TCF12: variants seen among roughly 807,000 people sequenced by gnomAD.
TCF12 encodes the protein DNA-binding protein HTF4.
TCF12 carries 45 observed loss-of-function variants against 86.0 expected under a neutral mutation model. The ratio of observed to expected loss-of-function variants is 0.52; its 90% CI spans 0.41 to 0.67. TCF12 has a LOEUF of 0.67. Ranked by LOEUF, TCF12 falls within the 30% of genes least tolerant of loss-of-function variation. The probability of loss-of-function intolerance (pLI) is 0.00; values close to 1 mark genes in which losing one functional copy is unlikely to be tolerated. For synonymous variants in TCF12, 330 were observed against 299.6 expected, an observed-to-expected ratio of 1.10 and a Z score of -1.05; for missense variants, 881 against 859.9, an observed-to-expected ratio of 1.02 and a Z score of -0.31.
At chr15:57,056,719 A>T (rs1201108345) in intron 3 of TCF12, among the ~76,000 whole-genome samples, 1 of 151,880 alleles carries the variant, frequency 6.6e-6, no homozygotes, top group African/African-American at 2.4e-5. Context: ...TTGGCCTCCC[A>T]AAGTGCTGGG....
intron 3 of TCF12, among the ~76,000 whole-genome samples, chr15:57,060,188 G>C (rs1306011908): frequency 6.6e-6 from 1 of 151,556 alleles, no homozygotes; most frequent in South Asian, 2.1e-4. Context: ...ATTGCTCTTA[G>C]TTACTTTTCT....
chr15:56,984,249 G>GGT (rs56221122), intron 3 of TCF12, among the ~76,000 whole-genome samples: 8,723 of 122,884 alleles, frequency 0.071, 323 homozygotes, highest in South Asian at 0.096. Context: ...GCATGTGCAT[G>GGT]GTGTGTGTGT....
At chr15:56,992,059 A>G (rs1332435266) in intron 3 of TCF12, among the ~76,000 whole-genome samples, 6 of 151,734 alleles carry the variant, frequency 4.0e-5, no homozygotes, top group African/African-American at 1.5e-4. Flanking sequence ...TTCCAGATCA[A>G]TCTTGGCAAT....
chr15:56,982,007 A>G (rs67248382), intron 3 of TCF12, among the ~76,000 whole-genome samples: 1 of 152,012 alleles, frequency 6.6e-6, no homozygotes, highest in African/African-American at 2.4e-5. Flanking sequence ...TTATTGGGGG[A>G]AAAAAACACA....
chr15:57,282,125 A>G (rs2061718013), intron 19 of TCF12: 6 of 366,030 alleles, frequency 1.6e-5, no homozygotes. Flanking sequence ...TTAGTAGGAC[A>G]TTGAAGAGAC....
chr15:57,013,478 G>A (rs1468815187), intron 3 of TCF12, among the ~76,000 whole-genome samples: 2 of 152,170 alleles, frequency 1.3e-5, no homozygotes, highest in African/African-American at 2.4e-5. Flanking sequence ...GCAAAAATTA[G>A]CCCAGCTGAT....
chr15:57,006,243 C>T (rs994643509), intron 3 of TCF12, among the ~76,000 whole-genome samples: 16 of 152,104 alleles, frequency 1.1e-4, no homozygotes, highest in African/African-American at 3.6e-4. Context: ...GGTTTTTATT[C>T]TCACGGACTA....
At chr15:56,958,588 T>C (rs1472704502) in intron 3 of TCF12, among the ~76,000 whole-genome samples, 1 of 152,124 alleles carries the variant, frequency 6.6e-6, no homozygotes, top group Admixed American at 6.5e-5. Context: ...TATAGAACTT[T>C]ACCCGTCACT....
At chr15:57,022,147 C>T (rs1186714722) in intron 3 of TCF12, among the ~76,000 whole-genome samples, 1 of 151,906 alleles carries the variant, frequency 6.6e-6, no homozygotes, top group African/African-American at 2.4e-5. Flanking sequence ...ATACATGTGC[C>T]ATGTTGGTTT....
chr15:57,215,010 T>C (rs1236421967), intron 8 of TCF12, among the ~76,000 whole-genome samples: 2 of 152,140 alleles, frequency 1.3e-5, no homozygotes, highest in African/African-American at 4.8e-5. Flanking sequence ...TGCTAGTGGA[T>C]TGGTTTGAAA....
chr15:57,075,790 CTTTCTT>C (rs1241131933), intron 4 of TCF12, among the ~76,000 whole-genome samples: 195 of 58,208 alleles, frequency 3.4e-3, no homozygotes, highest in African/African-American at 0.014. Flanking sequence ...TTCTTTCTTT[CTTTCTT>C]TCTTTCTTTC....
At chr15:57,143,187 C>T (rs2053115600) in intron 5 of TCF12, among the ~76,000 whole-genome samples, 1 of 145,768 alleles carries the variant, frequency 6.9e-6, no homozygotes, top group Non-Finnish European at 1.5e-5. Context: ...AGAAGTAAAG[C>T]TAATGCATGA....
chr15:57,018,914 C>T (rs1305665003), intron 3 of TCF12, among the ~76,000 whole-genome samples: 1 of 152,140 alleles, frequency 6.6e-6, no homozygotes, highest in Non-Finnish European at 1.5e-5. Context: ...CCCTCTGATT[C>T]TGTGCTGAGA....
chr15:57,066,207 A>G (rs1216854805), intron 4 of TCF12, among the ~76,000 whole-genome samples: 1 of 152,160 alleles, frequency 6.6e-6, no homozygotes, highest in African/African-American at 2.4e-5. Flanking sequence ...ATCTTTTAAC[A>G]GTATTCACCA....
At chr15:57,250,597 T>G (rs1250644954) in intron 13 of TCF12, among the ~76,000 whole-genome samples, 1 of 151,788 alleles carries the variant, frequency 6.6e-6, no homozygotes, top group Non-Finnish European at 1.5e-5. Context: ...GGCGTGGTGG[T>G]GTGTGCCTGT....
At chr15:56,930,143 C>T (rs1253882148) in intron 3 of TCF12, among the ~76,000 whole-genome samples, 3 of 152,158 alleles carry the variant, frequency 2.0e-5, no homozygotes, top group Admixed American at 6.5e-5. Flanking sequence ...CTGCTGCTGT[C>T]GGCAAGAGTT....
chr15:56,998,928 G>A (rs1350296252), intron 3 of TCF12, among the ~76,000 whole-genome samples: 1 of 152,194 alleles, frequency 6.6e-6, no homozygotes, highest in Non-Finnish European at 1.5e-5. Flanking sequence ...GCTGGGCGCG[G>A]TGGCTCATGC....
chr15:56,986,288 A>G (rs989148210), intron 3 of TCF12, among the ~76,000 whole-genome samples: 6 of 152,182 alleles, frequency 3.9e-5, no homozygotes, highest in Non-Finnish European at 7.4e-5. Context: ...GTATGTTATC[A>G]ATGTTGACCA....
In TCF12 at chr15:57,048,277, T is replaced by C. The variant is rs185640582; in HGVS notation, c.149-15473T>C. ...TTGTTTTGTTTTGTTTTGTTTTGTT[T>C]TTGAGACAGAGTCTCGCTGTGTCGC... On this transcript the variant is annotated intron_variant, in intron 3 of 20. Coordinates refer to ENST00000333725, the MANE Select transcript of TCF12 (RefSeq NM_207037.2). 7.6e-3 allele frequency among the ~76,000 whole-genome samples: 1,145 copies of C among 150,526 alleles called. 15 individuals are homozygous for C. The highest frequency in any genetic ancestry group is 0.027 in the African/African-American group (1,093 of 39,990).
Sources: allele counts gnomAD v4.1 joint callset (sites outside exome capture counted in the v4.1 genomes callset), GRCh38; gene constraint gnomAD v4.1.1; transcripts MANE v1.5; gene names NCBI Gene and HGNC (gene_info 2026-07-23, HGNC 2026-07-21).